SHLD1: variants seen among roughly 807,000 people sequenced by gnomAD.
The protein encoded by SHLD1 is RINN1-REV7-interacting novel NHEJ regulator 3.
A neutral mutation model predicts 5.5 loss-of-function variants in SHLD1; 3 were observed. The ratio of observed to expected loss-of-function variants is 0.54; its 90% CI spans 0.25 to 1.40. The LOEUF is 1.40. Among genes scored for constraint, SHLD1 ranks in the 40% most tolerant of loss-of-function variants. The pLI is 0.15. For missense variants in SHLD1, 210 were observed against 244.4 expected, an observed-to-expected ratio of 0.86 and a Z score of 0.94; for synonymous variants, 92 against 94.3, an observed-to-expected ratio of 0.98 and a Z score of 0.14.
At position 5,766,529 on chromosome 20, in the gene SHLD1, C is replaced by T. The variant is rs749418004; in HGVS notation, c.-4-6333C>T. ...AGGATGCTGGGAGGACTTTTGGCTG[C>T]GTTCATCCTAGCTTGGCTGCTTTCG... is the stretch of plus-strand genomic sequence containing the variant. On this transcript the variant is annotated intron_variant, in intron 1 of 2. Transcript: ENST00000303142. Among the ~76,000 whole-genome samples the T allele has an allele frequency of 2.0e-5, 3 of 152,092 alleles. No homozygotes were observed. In the East Asian group the frequency reaches 5.8e-4, roughly 29 times the overall value.
chr20:5,808,105 C>A (rs2087406327), intron 2 of SHLD1, among the ~76,000 whole-genome samples: 1 of 152,034 alleles, frequency 6.6e-6, no homozygotes, highest in African/African-American at 2.4e-5. Context: ...CATTGTGAGA[C>A]CCTGTCTTTA....
At chr20:5,845,820 G>A (rs1320533558) in intron 2 of SHLD1, among the ~76,000 whole-genome samples, 1 of 152,128 alleles carries the variant, frequency 6.6e-6, no homozygotes, top group Non-Finnish European at 1.5e-5. Context: ...CTTCCAGAGG[G>A]AGTGAAGATG....
At chr20:5,763,526 C>T (rs918167066) in intron 1 of SHLD1, among the ~76,000 whole-genome samples, 2 of 152,088 alleles carry the variant, frequency 1.3e-5, no homozygotes, top group Non-Finnish European at 2.9e-5. Flanking sequence ...GTAAAGTGCC[C>T]ATTTACTGAG....
intron 2 of SHLD1, among the ~76,000 whole-genome samples, chr20:5,833,191 A>G (rs1300161529): frequency 6.6e-6 from 1 of 152,102 alleles, no homozygotes; most frequent in East Asian, 1.9e-4. Context: ...CTTTTTTTCC[A>G]CGAGACTCCT....
intron 2 of SHLD1, among the ~76,000 whole-genome samples, chr20:5,802,764 A>G (rs895569140): frequency 6.6e-6 from 1 of 151,862 alleles, no homozygotes; most frequent in Non-Finnish European, 1.5e-5. Context: ...TTCCCACCTC[A>G]GCCTCCTGGG....
At chr20:5,801,492 C>T (rs2087293921) in intron 2 of SHLD1, among the ~76,000 whole-genome samples, 1 of 152,200 alleles carries the variant, frequency 6.6e-6, no homozygotes, top group Non-Finnish European at 1.5e-5. Flanking sequence ...AAGTATCCTA[C>T]TCACAGTTCA....
intron 1 of SHLD1, among the ~76,000 whole-genome samples, chr20:5,764,570 A>G (rs1460181440): frequency 6.7e-6 from 1 of 150,340 alleles, no homozygotes; most frequent in African/African-American, 2.5e-5. Flanking sequence ...ATGGTGTCTC[A>G]TGCCTGCAGT....
intron 2 of SHLD1, among the ~76,000 whole-genome samples, chr20:5,796,278 CTAAAG>C (rs2087210865): frequency 6.6e-6 from 1 of 152,052 alleles, no homozygotes; most frequent in African/African-American, 2.4e-5. Context: ...TCAAAATTAT[CTAAAG>C]TATTTTTTTA....
At chr20:5,815,361 C>T (rs1203990181) in intron 2 of SHLD1, among the ~76,000 whole-genome samples, 1 of 152,164 alleles carries the variant, frequency 6.6e-6, no homozygotes, top group South Asian at 2.1e-4. Flanking sequence ...AGCAGTGCTT[C>T]TCAAAATGTA....
Position 5,828,662 on chromosome 20 carries a change from C to T in SHLD1, c.179-34362C>T, listed in dbSNP as rs991610821. On this transcript the variant is annotated intron_variant, in intron 2 of 2. Coordinates refer to ENST00000303142, the MANE Select transcript of SHLD1 (RefSeq NM_152504.4). Reference sequence around the variant, plus strand: ...TCTGCAATTCTTTTGCTTCGCATTTCACTGTCCTTATTGTGCTGATTTGCA... The same window carrying T: ...TCTGCAATTCTTTTGCTTCGCATTTTACTGTCCTTATTGTGCTGATTTGCA... Among the ~76,000 whole-genome samples, 4 of 152,314 alleles carry T rather than the reference C, an allele frequency of 2.6e-5. No individual in the cohort carries two copies. The East Asian group carries it at 7.7e-4, about 29-fold the overall frequency.
chr20:5,815,062 G>A (rs1014849518), intron 2 of SHLD1, among the ~76,000 whole-genome samples: 1 of 152,144 alleles, frequency 6.6e-6, no homozygotes, highest in Non-Finnish European at 1.5e-5. Flanking sequence ...GGTTTCTGTG[G>A]TTCCAGAAGC....
intron 2 of SHLD1, among the ~76,000 whole-genome samples, chr20:5,798,134 T>C (rs1055279358): frequency 5.9e-5 from 9 of 152,262 alleles, no homozygotes; most frequent in Non-Finnish European, 1.0e-4. Flanking sequence ...ACATGGCTGA[T>C]AGTTGATGCT....
chr20:5,759,099 C>T lies in SHLD1; in HGVS notation c.-5+8620C>T, dbSNP rs1353564891. 2.0e-5 allele frequency among the ~76,000 whole-genome samples: 3 copies of T among 150,888 alleles called. No homozygotes were observed. The East Asian group carries it at 5.9e-4, about 30-fold the overall frequency. Reference sequence around the variant, plus strand: ...CCTCCCAAGTAGCTAGGATTACAGGCACCCGCCACCACGCCCAGCTAATTT... The same window carrying T: ...CCTCCCAAGTAGCTAGGATTACAGGTACCCGCCACCACGCCCAGCTAATTT... On this transcript the variant is annotated intron_variant, in intron 1 of 2. Transcript: ENST00000303142.
At chr20:5,775,623 G>A (rs2065520075) in intron 2 of SHLD1, among the ~76,000 whole-genome samples, 1 of 152,166 alleles carries the variant, frequency 6.6e-6, no homozygotes, top group Non-Finnish European at 1.5e-5. Flanking sequence ...GTACTCAAAC[G>A]CTAAGACAAC....
At chr20:5,833,038 C>G (rs1043219090) in intron 2 of SHLD1, among the ~76,000 whole-genome samples, 2 of 151,428 alleles carry the variant, frequency 1.3e-5, no homozygotes, top group African/African-American at 4.9e-5. Context: ...GCTGACGTGT[C>G]CTCCTTCTCC....
intron 2 of SHLD1, among the ~76,000 whole-genome samples, chr20:5,820,424 C>T (rs888749402): frequency 6.6e-6 from 1 of 152,232 alleles, no homozygotes; most frequent in Non-Finnish European, 1.5e-5. Context: ...ATTCAATGAG[C>T]AGCTGCTATG....
At position 5,863,553 on chromosome 20, in the gene SHLD1, G is replaced by A; in HGVS notation, c.*90G>A. On this transcript the variant is annotated 3_prime_UTR_variant, in exon 3 of 3. Transcript: ENST00000303142. ...CCACCCAGATCCCCTAGGGTCTCTG[G>A]CCAGCTCTGTGTGCCCAATCCCAAT... is the stretch of plus-strand genomic sequence containing the variant. The A allele has an allele frequency of 7.5e-7, 1 of 1,326,428 alleles. No homozygotes were observed. The highest frequency in any genetic ancestry group is 1.0e-6 in the Non-Finnish European group (1 of 966,022). 82.2% of individuals were successfully genotyped at this position (1,326,428 alleles called of 1,614,324 possible).
At chr20:5,799,246 T>TCCCTC (rs1297815654) in intron 2 of SHLD1, among the ~76,000 whole-genome samples, 1 of 151,534 alleles carries the variant, frequency 6.6e-6, no homozygotes, top group Non-Finnish European at 1.5e-5. Flanking sequence ...TCTGTTGCAT[T>TCCCTC]CCCTCCCCTC....
intron 2 of SHLD1, among the ~76,000 whole-genome samples, chr20:5,829,252 A>T (rs182434438): frequency 6.6e-6 from 1 of 152,310 alleles, no homozygotes; most frequent in Admixed American, 6.5e-5. Context: ...ATGAAAAAAG[A>T]TTATCTTTTG....
Sources: allele counts gnomAD v4.1 joint callset (sites outside exome capture counted in the v4.1 genomes callset), GRCh38; gene constraint gnomAD v4.1.1; transcripts MANE v1.5; gene names NCBI Gene and HGNC (gene_info 2026-07-23, HGNC 2026-07-21).